ANO5: variants seen among roughly 807,000 people sequenced by gnomAD.
ANO5 encodes the protein anoctamin 5.
ANO5 carries 109 observed loss-of-function variants against 121.0 expected under a neutral mutation model. The observed-to-expected ratio is 0.90, with a 90% CI of 0.77 to 1.06. The LOEUF is 1.06. Ranked by LOEUF, ANO5 falls within the 50% of genes least tolerant of loss-of-function variation. ANO5 has a pLI of 0.00. For synonymous variants in ANO5, 406 were observed against 359.9 expected (o/e 1.13, Z -1.45); for missense variants, 1,064 against 1,078.5 (o/e 0.99, Z 0.19).
intron 9 of ANO5, 70 bp downstream of exon 9, chr11:22,239,754 A>AT (rs539951202): frequency 3.6e-5 from 45 of 1,251,184 alleles, no homozygotes; most frequent in Non-Finnish European, 4.8e-5. Context: ...ATGGCATAAT[A>AT]TTTTTTTTAC....
intron 4 of ANO5, 100 bp from the exon 5 acceptor site, chr11:22,220,992 GGTTAT>G: frequency 1.2e-6 from 1 of 800,956 alleles, no homozygotes. Flanking sequence ...TGAAAACTCT[GGTTAT>G]TTGTCTTGAT....
chr11:22,196,199 G>A (rs188013070), intron 1 of ANO5, among the ~76,000 whole-genome samples: 1 of 152,200 alleles, frequency 6.6e-6, no homozygotes, highest in East Asian at 1.9e-4. Context: ...CATGGTATTG[G>A]CATCTGACAA....
rs750884993 is a variant in ANO5, at chr11:22,263,002, C to G, written c.1857C>G (p.Thr619=). 6.2e-7 allele frequency: 1 copy of G among 1,613,422 alleles called. No homozygotes were observed. Among genetic ancestry groups the G allele is most frequent in the South Asian group, 1.1e-5 (1 of 91,056 alleles). Residue 619 remains threonine, a synonymous_variant, in exon 17 of 22, where the codon ACC becomes ACG. Coordinates refer to ENST00000324559, the MANE Select transcript of ANO5 (RefSeq NM_213599.3). ...CAACCCAATTGACCATTATAATGAC[C>G]GGGAAACAGATTTTTGGAAACATTA... The part of the protein sequence containing the change: ...ELTTQLTIIM[T]GKQIFGNIKE...
At chr11:22,275,943 T>C in intron 20 of ANO5, 151 bp from the exon 21 acceptor site, 1 of 616,126 alleles carries the variant, frequency 1.6e-6, no homozygotes. Flanking sequence ...ACAAGAAAGA[T>C]AAATGTTTCA....
intron 1 of ANO5, among the ~76,000 whole-genome samples, chr11:22,202,461 ATT>A (rs34892286): frequency 2.6e-5 from 4 of 151,854 alleles, no homozygotes; most frequent in Non-Finnish European, 5.9e-5. Context: ...GATTTTTTAA[ATT>A]TTTTTTTGAC....
intron 17 of ANO5, among the ~76,000 whole-genome samples, chr11:22,264,208 A>G (rs912689371): frequency 2.0e-5 from 3 of 152,016 alleles, no homozygotes; most frequent in Middle Eastern, 6.8e-3. Flanking sequence ...TATTTTTAGT[A>G]TAGATGGGGT....
chr11:22,222,753 C>A (rs185525386), intron 5 of ANO5, among the ~76,000 whole-genome samples: 5 of 143,960 alleles, frequency 3.5e-5, no homozygotes, highest in Admixed American at 3.4e-4. Context: ...AGCACACATG[C>A]AGAAAGGAAA....
At chr11:22,257,166 T>G (rs1478918262) in intron 13 of ANO5, among the ~76,000 whole-genome samples, 1 of 152,154 alleles carries the variant, frequency 6.6e-6, no homozygotes, top group East Asian at 1.9e-4. Flanking sequence ...CCTAAGAATG[T>G]CAGCTGTATA....
chr11:22,220,164 C>T (rs904915452), intron 4 of ANO5, among the ~76,000 whole-genome samples: 1 of 151,854 alleles, frequency 6.6e-6, no homozygotes, highest in African/African-American at 2.4e-5. Flanking sequence ...TTAATAGAAA[C>T]ACTAGTTGTG....
chr11:22,195,567 T>A (rs1405675843), intron 1 of ANO5, among the ~76,000 whole-genome samples: 1 of 152,122 alleles, frequency 6.6e-6, no homozygotes, highest in Non-Finnish European at 1.5e-5. Flanking sequence ...TGTCTTGGAC[T>A]ATGGGTGCTG....
intron 1 of ANO5, among the ~76,000 whole-genome samples, chr11:22,198,703 A>G (rs928765949): frequency 1.3e-5 from 2 of 152,070 alleles, no homozygotes; most frequent in African/African-American, 4.8e-5. Context: ...TGTGATTGGA[A>G]CTATATTTTG....
intron 3 of ANO5, among the ~76,000 whole-genome samples, chr11:22,211,725 A>C (rs984596657): frequency 2.6e-5 from 4 of 151,916 alleles, no homozygotes; most frequent in African/African-American, 9.7e-5. Context: ...ATAATCATGA[A>C]AAAGTACAAT....
intron 6 of ANO5, 124 bp from the exon 7 acceptor site, chr11:22,227,178 T>G (rs1282182465): frequency 7.4e-7 from 1 of 1,359,308 alleles, no homozygotes; most frequent in Non-Finnish European, 1.0e-6. Flanking sequence ...GCCTGAAAAT[T>G]TCAAAATATT....
chr11:22,252,567 G>A (rs888636965), intron 12 of ANO5, among the ~76,000 whole-genome samples: 18 of 151,968 alleles, frequency 1.2e-4, no homozygotes, highest in African/African-American at 4.1e-4. Context: ...ATTCACATGT[G>A]CTTTTGTATA....
At chr11:22,276,829 G>GA (rs1279589280) in intron 21 of ANO5, among the ~76,000 whole-genome samples, 2 of 151,342 alleles carry the variant, frequency 1.3e-5, no homozygotes, top group Non-Finnish European at 3.0e-5. Flanking sequence ...ATCAGGGAGA[G>GA]AAAATAAAAG....
intron 3 of ANO5, among the ~76,000 whole-genome samples, chr11:22,212,239 ATTAGCTTGAAGGTAAATCTGTC>A (rs1282823938): frequency 0.06 from 9,117 of 151,854 alleles, 908 homozygotes; most frequent in African/African-American, 0.21. Flanking sequence ...ATTAGACTTT[ATTAGCTTGAAGGTAAATCTGTC>A]TTAGCTTGAA....
At chr11:22,195,204 T>G (rs1337069813) in intron 1 of ANO5, among the ~76,000 whole-genome samples, 1 of 152,244 alleles carries the variant, frequency 6.6e-6, no homozygotes, top group African/African-American at 2.4e-5. Flanking sequence ...AGTATTTTCA[T>G]ATACTTATTA....
intron 12 of ANO5, among the ~76,000 whole-genome samples, chr11:22,254,671 A>G (rs1330276403): frequency 2.0e-5 from 3 of 151,398 alleles, no homozygotes; most frequent in African/African-American, 4.8e-5. Flanking sequence ...TATTTTTTAT[A>G]TTGGTGCTGG....
Position 22,282,742 on chromosome 11 carries a change from T to C in ANO5, c.*2977T>C, listed in dbSNP as rs1267695997. ...AAACTTAGATTCCAAAGTGGTTTTG[T>C]AGTGTTGGGTGCTATGAGTAGGTAT... On this transcript the variant is annotated 3_prime_UTR_variant, in exon 22 of 22. Transcript: ENST00000324559. 2.6e-5 allele frequency: 4 copies of C among 152,160 alleles called. No homozygotes were observed. The highest frequency in any genetic ancestry group is 5.9e-5 in the Non-Finnish European group (4 of 68,002). 9.4% of individuals were successfully genotyped at this position (152,160 alleles called of 1,614,324 possible). A position where few individuals can be genotyped will look rare whatever the true frequency, so the allele number is the denominator to read the frequency against.
Sources: gnomAD v4.1 joint callset for allele counts (sites outside exome capture counted in the v4.1 genomes callset) on GRCh38, gnomAD v4.1.1 for gene constraint, MANE v1.5 for transcripts, NCBI Gene and HGNC (gene_info 2026-07-23, HGNC 2026-07-21) for gene names.